RARB: variants seen among roughly 807,000 people sequenced by gnomAD.
RARB encodes the protein HBV-activated protein.
A neutral mutation model predicts 51.9 loss-of-function variants in RARB; 17 were observed. That is an observed-to-expected ratio of 0.33 (90% CI 0.22 to 0.49). RARB has a LOEUF of 0.49. Among genes scored for constraint, RARB ranks in the 20% least tolerant of loss-of-function variants. The pLI is 0.99. For missense variants in RARB, 369 were observed against 550.8 expected, an observed-to-expected ratio of 0.67 and a Z score of 3.30; for synonymous variants, 215 against 195.4, an observed-to-expected ratio of 1.10 and a Z score of -0.84.
At chr3:24,893,682 TGA>T (rs972876942) in intron 2 of RARB, among the ~76,000 whole-genome samples, 48 of 140,200 alleles carry the variant, frequency 3.4e-4, no homozygotes, top group African/African-American at 1.4e-3. Context: ...CATGCCTCAC[TGA>T]TTTTTTTTTT....
intron 2 of RARB, among the ~76,000 whole-genome samples, chr3:24,886,897 G>A (rs998942856): frequency 6.6e-6 from 1 of 152,190 alleles, no homozygotes; most frequent in Non-Finnish European, 1.5e-5. Context: ...TAGACCATGT[G>A]TCTACAAAAC....
At chr3:25,502,191 T>TG (rs1475352736) in intron 3 of RARB, among the ~76,000 whole-genome samples, 1 of 152,176 alleles carries the variant, frequency 6.6e-6, no homozygotes, top group Non-Finnish European at 1.5e-5. Context: ...GGGTGCTGCG[T>TG]GGGGACCCTA....
intron 5 of RARB, among the ~76,000 whole-genome samples, chr3:25,192,421 C>A (rs923870600): frequency 6.6e-6 from 1 of 152,042 alleles, no homozygotes; most frequent in Non-Finnish European, 1.5e-5. Context: ...GCATAAGATA[C>A]ACCTATTCAA....
At chr3:25,087,100 C>T (rs746290909) in intron 3 of RARB, among the ~76,000 whole-genome samples, 2 of 152,024 alleles carry the variant, frequency 1.3e-5, no homozygotes, top group Non-Finnish European at 2.9e-5. Flanking sequence ...GGCCTGCTAC[C>T]TCATTGGTAT....
At chr3:25,232,512 CTT>C (rs1439007338) in intron 5 of RARB, among the ~76,000 whole-genome samples, 1 of 151,926 alleles carries the variant, frequency 6.6e-6, no homozygotes, top group Admixed American at 6.6e-5. Context: ...TAAAAGAAAA[CTT>C]ATGATTTATT....
chr3:25,527,132 A>G (rs559983385), intron 3 of RARB, among the ~76,000 whole-genome samples: 1 of 152,350 alleles, frequency 6.6e-6, no homozygotes, highest in South Asian at 2.1e-4. Flanking sequence ...CTGAATTGGC[A>G]GGTCTGGAAG....
intron 5 of RARB, among the ~76,000 whole-genome samples, chr3:25,261,693 G>A (rs1163635287): frequency 1.3e-5 from 2 of 152,078 alleles, no homozygotes; most frequent in Non-Finnish European, 2.9e-5. Flanking sequence ...TCGCCTAAAT[G>A]AATTCTTGTT....
intron 5 of RARB, among the ~76,000 whole-genome samples, chr3:25,240,802 G>T (rs1345117547): frequency 4.6e-5 from 7 of 151,942 alleles, no homozygotes; most frequent in Admixed American, 1.3e-4. Context: ...CTTTTTTGTT[G>T]TTGTGTCTTT....
intron 2 of RARB, among the ~76,000 whole-genome samples, chr3:24,993,577 GTCT>G (rs1261728458): frequency 1.3e-5 from 2 of 151,982 alleles, no homozygotes; most frequent in African/African-American, 4.8e-5. Context: ...ATTAACTATA[GTCT>G]TCTTACAGTG....
At chr3:24,963,427 C>T (rs575074475) in intron 2 of RARB, among the ~76,000 whole-genome samples, 6 of 148,468 alleles carry the variant, frequency 4.0e-5, no homozygotes, top group South Asian at 2.2e-4. Flanking sequence ...CTTGTTGTCA[C>T]GCTCATGGCC....
chr3:24,905,031 A>G (rs532961540), intron 2 of RARB, among the ~76,000 whole-genome samples: 2 of 152,350 alleles, frequency 1.3e-5, no homozygotes, highest in East Asian at 3.9e-4. Context: ...AAAACACGTC[A>G]TGTAGATGAC....
chr3:24,860,010 T>C (rs1374127132), intron 2 of RARB, among the ~76,000 whole-genome samples: 6 of 152,232 alleles, frequency 3.9e-5, no homozygotes, highest in Admixed American at 3.3e-4. Context: ...CTACAGTTTG[T>C]AGTTTGCTGA....
chr3:25,524,068 C>G (rs1698528219), intron 3 of RARB, among the ~76,000 whole-genome samples: 1 of 152,192 alleles, frequency 6.6e-6, no homozygotes, highest in Non-Finnish European at 1.5e-5. Flanking sequence ...ATAGGTTGTT[C>G]ACTGCAGCTA....
At chr3:25,141,995 C>A (rs1165752341) in intron 4 of RARB, among the ~76,000 whole-genome samples, 1 of 152,168 alleles carries the variant, frequency 6.6e-6, no homozygotes, top group African/African-American at 2.4e-5. Flanking sequence ...CAAGTGTAGT[C>A]CTAGGACCAG....
At chr3:25,013,624 C>A (rs1697444206) in intron 2 of RARB, among the ~76,000 whole-genome samples, 1 of 152,006 alleles carries the variant, frequency 6.6e-6, no homozygotes, top group Non-Finnish European at 1.5e-5. Context: ...TATAGGAAAA[C>A]AAACACCCAG....
intron 5 of RARB, among the ~76,000 whole-genome samples, chr3:25,244,020 C>T (rs1702493915): frequency 6.6e-6 from 1 of 152,154 alleles, no homozygotes; most frequent in South Asian, 2.1e-4. Flanking sequence ...TATTTGACTT[C>T]TTCCTGGTTT....
At chr3:24,968,044 T>C (rs1654659750) in intron 2 of RARB, among the ~76,000 whole-genome samples, 1 of 152,164 alleles carries the variant, frequency 6.6e-6, no homozygotes, top group South Asian at 2.1e-4. Flanking sequence ...GGTGTCTTTT[T>C]TGTTTGGTTT....
intron 5 of RARB, among the ~76,000 whole-genome samples, chr3:25,369,170 C>G (rs925373067): frequency 6.6e-6 from 1 of 152,104 alleles, no homozygotes; most frequent in South Asian, 2.1e-4. Flanking sequence ...CTCAAAAATA[C>G]AGTATACAGT....
chr3:25,596,528 C>A lies in RARB; in HGVS notation c.1259C>A (p.Ser420Ter). ...SEGHEPLTPS[S>*]SGNTAEHSPS... is the part of the protein sequence containing the mutation. ...GGACATGAACCCTTGACCCCAAGTT[C>A]AAGTGGGAACACAGCAGAGCACAGT... Residue 420 changes from serine to a stop codon, truncating the protein, a stop_gained, in exon 8 of 8, where the codon TCA (serine) becomes TAA (stop). Transcript: ENST00000330688. LOFTEE classifies it high-confidence loss of function. 1.2e-6 allele frequency: 2 copies of A among 1,613,738 alleles called. No homozygotes were observed. Among genetic ancestry groups the A allele is most frequent in the Non-Finnish European group, 1.7e-6 (2 of 1,179,706 alleles).
Sources: gnomAD v4.1 joint callset for allele counts (sites outside exome capture counted in the v4.1 genomes callset) on GRCh38, gnomAD v4.1.1 for gene constraint, MANE v1.5 for transcripts, NCBI Gene and HGNC (gene_info 2026-07-23, HGNC 2026-07-21) for gene names.